Variants in ANKRD44 observed in about 807,000 individuals in gnomAD.
ANKRD44 encodes ankyrin repeat domain 44, also known as serine/threonine-protein phosphatase 6 regulatory ankyrin repeat subunit B.
In ANKRD44, 35 loss-of-function variants were observed where a neutral mutation model predicts 116.0. That is an observed-to-expected ratio of 0.30 (90% CI 0.23 to 0.40). The LOEUF (loss-of-function observed/expected upper bound fraction) is 0.40. ANKRD44 is among the 10% of genes least tolerant of loss of function. ANKRD44 has a pLI of 1.00. For missense variants in ANKRD44, 1,014 were observed against 1,242.6 expected, an observed-to-expected ratio of 0.82 and a Z score of 2.77; for synonymous variants, 435 against 461.8, an observed-to-expected ratio of 0.94 and a Z score of 0.74.
intron 16 of ANKRD44, among the ~76,000 whole-genome samples, chr2:197,043,754 C>T (rs186933280): frequency 4.5e-4 from 69 of 152,068 alleles, no homozygotes; most frequent in Non-Finnish European, 7.8e-4. Context: ...GTTGTCAAAA[C>T]TGGACCCTGG....
chr2:197,158,534 C>T (rs991181434), intron 2 of ANKRD44, among the ~76,000 whole-genome samples: 4 of 152,180 alleles, frequency 2.6e-5, no homozygotes, highest in Admixed American at 6.5e-5. Flanking sequence ...GGGAAACTAT[C>T]TCCTATTGAT....
At chr2:197,204,263 A>G (rs1272590075) in intron 1 of ANKRD44, among the ~76,000 whole-genome samples, 1 of 152,190 alleles carries the variant, frequency 6.6e-6, no homozygotes, top group Non-Finnish European at 1.5e-5. Context: ...GCACAGAAAA[A>G]CAAGGACTAG....
intron 3 of ANKRD44, among the ~76,000 whole-genome samples, chr2:197,142,156 T>G (rs1232138161): frequency 6.6e-6 from 1 of 152,218 alleles, no homozygotes; most frequent in Non-Finnish European, 1.5e-5. Context: ...CTTATCCCTG[T>G]TACCTCTTAA....
intron 1 of ANKRD44, among the ~76,000 whole-genome samples, chr2:197,206,480 T>C (rs1018252084): frequency 2.0e-5 from 3 of 152,112 alleles, no homozygotes; most frequent in East Asian, 1.9e-4. Context: ...GGTCAGGAGT[T>C]TGAGACCAGC....
chr2:197,265,795 C>A (rs992381529), intron 1 of ANKRD44, among the ~76,000 whole-genome samples: 3 of 151,874 alleles, frequency 2.0e-5, no homozygotes, highest in African/African-American at 7.3e-5. Context: ...CACATAATTC[C>A]ATGATGTTAA....
At chr2:197,074,267 C>A (rs1453681412) in intron 16 of ANKRD44, among the ~76,000 whole-genome samples, 1 of 152,206 alleles carries the variant, frequency 6.6e-6, no homozygotes, top group Non-Finnish European at 1.5e-5. Context: ...GCTGGGAGGT[C>A]AGGCACAACC....
chr2:197,065,757 T>A (rs2077418770), intron 16 of ANKRD44, among the ~76,000 whole-genome samples: 1 of 151,856 alleles, frequency 6.6e-6, no homozygotes, highest in Non-Finnish European at 1.5e-5. Context: ...CAGGAAGAAG[T>A]TGAATCCATG....
intron 18 of ANKRD44, among the ~76,000 whole-genome samples, chr2:197,010,951 A>G (rs1020737917): frequency 6.6e-5 from 10 of 152,244 alleles, no homozygotes; most frequent in East Asian, 1.9e-4. Context: ...ATTCATCAAC[A>G]GCACTCAAAT....
chr2:197,015,335 G>T (rs2076372014), intron 17 of ANKRD44: 2 of 497,230 alleles, frequency 4.0e-6, no homozygotes, highest in African/African-American at 2.0e-5. Context: ...GGTATGGCAA[G>T]ATTACAACCA....
intron 1 of ANKRD44, among the ~76,000 whole-genome samples, chr2:197,217,234 C>T (rs901068490): frequency 2.0e-5 from 3 of 152,084 alleles, no homozygotes; most frequent in African/African-American, 2.4e-5. Context: ...TTCAATCCAT[C>T]AAAACCAGTA....
intron 3 of ANKRD44, among the ~76,000 whole-genome samples, chr2:197,138,795 G>A (rs1185596729): frequency 6.6e-6 from 1 of 152,140 alleles, no homozygotes; most frequent in African/African-American, 2.4e-5. Context: ...ACATCACTCA[G>A]ACCATATGCA....
chr2:197,116,826 C>T (rs758926339), intron 8 of ANKRD44, among the ~76,000 whole-genome samples: 1 of 152,182 alleles, frequency 6.6e-6, no homozygotes, highest in Non-Finnish European at 1.5e-5. Flanking sequence ...CACTATTGGG[C>T]TTCTCAGACT....
At chr2:196,980,597 A>C (rs1382113868) in intron 21 of ANKRD44, among the ~76,000 whole-genome samples, 1 of 152,190 alleles carries the variant, frequency 6.6e-6, no homozygotes, top group Non-Finnish European at 1.5e-5. Flanking sequence ...GGAAGTATTC[A>C]ATTTTTCATT....
chr2:197,279,577 C>T (rs966692974), intron 1 of ANKRD44, among the ~76,000 whole-genome samples: 3 of 152,184 alleles, frequency 2.0e-5, no homozygotes, highest in African/African-American at 7.2e-5. Flanking sequence ...CCAAGCTGCT[C>T]GCTTCACTGT....
At chr2:197,148,172 A>G (rs1169668634) in intron 2 of ANKRD44, among the ~76,000 whole-genome samples, 1 of 152,242 alleles carries the variant, frequency 6.6e-6, no homozygotes, top group African/African-American at 2.4e-5. Context: ...AGATAAGTGC[A>G]CAGCAGTGCT....
At chr2:197,025,376 T>A in intron 16 of ANKRD44, 109 bp from the exon 17 acceptor site, 1 of 740,884 alleles carries the variant, frequency 1.3e-6, no homozygotes, top group Admixed American at 2.2e-5. Flanking sequence ...AATTTATCAG[T>A]AATATAAAAA....
At chr2:197,116,869 A>G (rs1477077926) in intron 8 of ANKRD44, among the ~76,000 whole-genome samples, 4 of 152,212 alleles carry the variant, frequency 2.6e-5, no homozygotes, top group Admixed American at 2.0e-4. Flanking sequence ...CAGCTTGTCA[A>G]AAACTAAATA....
chr2:197,093,842 TC>T (rs974175660), intron 10 of ANKRD44, among the ~76,000 whole-genome samples: 1 of 152,184 alleles, frequency 6.6e-6, no homozygotes. Context: ...CAGGTATACA[TC>T]AAGGAAGATC....
chr2:197,310,540 G>A, intron 1 of ANKRD44, 38 bp downstream of exon 1: 2 of 1,087,166 alleles, frequency 1.8e-6, no homozygotes, highest in Non-Finnish European at 1.1e-6. Context: ...GCCGCCCCGC[G>A]CCCGCGCGTC....
Sources: allele counts gnomAD v4.1 joint callset (sites outside exome capture counted in the v4.1 genomes callset), GRCh38; gene constraint gnomAD v4.1.1; transcripts MANE v1.5; gene names NCBI Gene and HGNC (gene_info 2026-07-23, HGNC 2026-07-21).